PHKB: variants seen among roughly 807,000 people sequenced by gnomAD.
The protein encoded by PHKB is phosphorylase kinase regulatory subunit beta.
In PHKB, 122 loss-of-function variants were observed where a neutral mutation model predicts 152.1. The observed-to-expected ratio is 0.80, with a 90% CI of 0.69 to 0.93. The LOEUF (loss-of-function observed/expected upper bound fraction) is 0.93. Among genes scored for constraint, PHKB ranks in the 40% least tolerant of loss-of-function variants. The pLI is 0.00. For synonymous variants in PHKB, 436 were observed against 464.9 expected (o/e 0.94, Z 0.80); for missense variants, 1,304 against 1,328.4 (o/e 0.98, Z 0.29).
chr16:47,647,730 C>G (rs947209405), intron 16 of PHKB, among the ~76,000 whole-genome samples: 1 of 152,108 alleles, frequency 6.6e-6, no homozygotes, highest in African/African-American at 2.4e-5. Flanking sequence ...ATCTCCTGAC[C>G]TCGTGATCTG....
At chr16:47,467,972 A>C (rs547837827) in intron 1 of PHKB, among the ~76,000 whole-genome samples, 14 of 152,084 alleles carry the variant, frequency 9.2e-5, no homozygotes, top group Non-Finnish European at 1.9e-4. Context: ...CAGAACTCTT[A>C]TTTTCTACTC....
intron 6 of PHKB, among the ~76,000 whole-genome samples, chr16:47,543,603 C>G (rs370077307): frequency 7.9e-5 from 12 of 152,044 alleles, no homozygotes; most frequent in East Asian, 1.9e-4. Flanking sequence ...ACCTCTGGTA[C>G]AATTCGGCTG....
At chr16:47,638,175 T>C (rs1453564873) in intron 14 of PHKB, among the ~76,000 whole-genome samples, 2 of 152,118 alleles carry the variant, frequency 1.3e-5, no homozygotes, top group African/African-American at 4.8e-5. Flanking sequence ...GAGGATGTCT[T>C]TAAAAAGATG....
intron 6 of PHKB, among the ~76,000 whole-genome samples, chr16:47,539,381 A>G (rs1409962686): frequency 6.6e-6 from 1 of 152,098 alleles, no homozygotes; most frequent in Admixed American, 6.6e-5. Flanking sequence ...TTTAATATCT[A>G]AAGTTTTAGA....
chr16:47,698,232 C>T (rs1234194816), intron 29 of PHKB, among the ~76,000 whole-genome samples: 1 of 152,074 alleles, frequency 6.6e-6, no homozygotes, highest in Non-Finnish European at 1.5e-5. Context: ...GATGAAAAAA[C>T]ATTTCTAGGG....
intron 7 of PHKB, among the ~76,000 whole-genome samples, chr16:47,560,971 T>C (rs1971466640): frequency 1.3e-5 from 2 of 152,164 alleles, no homozygotes; most frequent in Admixed American, 1.3e-4. Flanking sequence ...ACCTGGGATG[T>C]TGGAAGGTGC....
chr16:47,586,435 T>G (rs901484046), intron 8 of PHKB, among the ~76,000 whole-genome samples: 1 of 152,338 alleles, frequency 6.6e-6, no homozygotes, highest in South Asian at 2.1e-4. Context: ...CACTGTTCAT[T>G]TATTAATTTA....
intron 5 of PHKB, 25 bp from the exon 6 acceptor site, chr16:47,515,496 C>G: frequency 1.9e-6 from 2 of 1,073,112 alleles, no homozygotes; most frequent in South Asian, 2.5e-5. Context: ...TTCCTTTAAC[C>G]TTTTAATGTT....
At chr16:47,695,586 G>T (rs1974133580) in intron 28 of PHKB, among the ~76,000 whole-genome samples, 1 of 152,148 alleles carries the variant, frequency 6.6e-6, no homozygotes, top group Non-Finnish European at 1.5e-5. Flanking sequence ...AGATAGACAT[G>T]GTTCTGAACC....
At chr16:47,687,890 G>GT (rs1280589373) in intron 26 of PHKB, among the ~76,000 whole-genome samples, 1 of 152,212 alleles carries the variant, frequency 6.6e-6, no homozygotes, top group Non-Finnish European at 1.5e-5. Context: ...TTGACACCCG[G>GT]TAAGGCTTAG....
At chr16:47,606,207 T>G (rs1409693968) in intron 13 of PHKB, among the ~76,000 whole-genome samples, 1 of 152,176 alleles carries the variant, frequency 6.6e-6, no homozygotes, top group Admixed American at 6.5e-5. Flanking sequence ...ACTAAAATCC[T>G]TTGGTGATTT....
intron 16 of PHKB, among the ~76,000 whole-genome samples, chr16:47,642,106 T>G (rs1432600028): frequency 2.6e-5 from 4 of 152,122 alleles, no homozygotes. Flanking sequence ...TATCTTTGAT[T>G]TTTTCGCCTT....
chr16:47,645,367 A>G (rs1455483610), intron 16 of PHKB, among the ~76,000 whole-genome samples: 1 of 117,486 alleles, frequency 8.5e-6, no homozygotes, highest in Non-Finnish European at 1.7e-5. Context: ...TAAATCTTTA[A>G]TCCATCTTGA....
chr16:47,523,690 G>A (rs572967435), intron 6 of PHKB, among the ~76,000 whole-genome samples: 2 of 152,254 alleles, frequency 1.3e-5, no homozygotes, highest in Admixed American at 6.5e-5. Flanking sequence ...AGTGGCCCCC[G>A]TGGACACTTC....
chr16:47,522,721 G>A (rs913973121), intron 6 of PHKB, among the ~76,000 whole-genome samples: 9 of 151,426 alleles, frequency 5.9e-5, no homozygotes, highest in African/African-American at 1.9e-4. Context: ...CATTAGTTTT[G>A]ATATTCTGTG....
chr16:47,492,195 G>A (rs150113663), intron 1 of PHKB, among the ~76,000 whole-genome samples: 2 of 152,280 alleles, frequency 1.3e-5, no homozygotes, highest in East Asian at 3.9e-4. Context: ...TGCAGGCCTT[G>A]CTCCCAAGGA....
At chr16:47,583,510 T>C (rs1971884112) in intron 8 of PHKB, among the ~76,000 whole-genome samples, 1 of 152,224 alleles carries the variant, frequency 6.6e-6, no homozygotes, top group South Asian at 2.1e-4. Flanking sequence ...TTCACTGTTA[T>C]TTCTAAAGGC....
At chr16:47,653,156 A>G (rs981392575) in intron 20 of PHKB, among the ~76,000 whole-genome samples, 5 of 152,132 alleles carry the variant, frequency 3.3e-5, no homozygotes, top group African/African-American at 1.2e-4. Flanking sequence ...CAGAAAGTAC[A>G]TCTCTAACCT....
At chr16:47,625,742 A>T (rs1404849721) in intron 14 of PHKB, among the ~76,000 whole-genome samples, 1 of 152,094 alleles carries the variant, frequency 6.6e-6, no homozygotes, top group African/African-American at 2.4e-5. Flanking sequence ...CATCTTTCTC[A>T]CTGAAATGTA....
Sources: allele counts gnomAD v4.1 joint callset (sites outside exome capture counted in the v4.1 genomes callset), GRCh38; gene constraint gnomAD v4.1.1; transcripts MANE v1.5; gene names NCBI Gene and HGNC (gene_info 2026-07-23, HGNC 2026-07-21).